Variants in VWA3B observed in about 807,000 individuals in gnomAD.
VWA3B encodes von Willebrand factor A domain-containing protein 3B.
VWA3B carries 138 observed loss-of-function variants against 158.3 expected under a neutral mutation model. That is an observed-to-expected ratio of 0.87 (90% CI 0.76 to 1.00). The LOEUF (loss-of-function observed/expected upper bound fraction) is 1.00, where lower values mean the gene tolerates loss of function less well. Among genes scored for constraint, VWA3B ranks in the 50% least tolerant of loss-of-function variants. The pLI is 0.00. For synonymous variants in VWA3B, 596 were observed against 587.3 expected, an observed-to-expected ratio of 1.01 and a Z score of -0.21; for missense variants, 1,555 against 1,565.1, an observed-to-expected ratio of 0.99 and a Z score of 0.11.
At chr2:98,242,973 A>G (rs1332829119) in intron 19 of VWA3B, among the ~76,000 whole-genome samples, 2 of 152,044 alleles carry the variant, frequency 1.3e-5, no homozygotes, top group East Asian at 3.9e-4. Context: ...AAACCTACAT[A>G]TGTATATATT....
At chr2:98,299,059 T>C (rs941086127) in intron 24 of VWA3B, among the ~76,000 whole-genome samples, 53 of 152,202 alleles carry the variant, frequency 3.5e-4, no homozygotes, top group African/African-American at 1.2e-3. Context: ...AGATGGGGTT[T>C]CTCCTTTTGG....
At chr2:98,253,216 T>A (rs1686909566) in intron 20 of VWA3B, among the ~76,000 whole-genome samples, 2 of 152,162 alleles carry the variant, frequency 1.3e-5, no homozygotes, top group Non-Finnish European at 2.9e-5. Context: ...AATGACACAT[T>A]TACCACCCCC....
chr2:98,137,445 TA>T (rs963786187), intron 7 of VWA3B, among the ~76,000 whole-genome samples: 3 of 152,184 alleles, frequency 2.0e-5, no homozygotes, highest in Admixed American at 6.5e-5. Context: ...CATAATATTT[TA>T]AAAAGTCAAA....
At chr2:98,094,746 A>T (rs150299325) in intron 2 of VWA3B, among the ~76,000 whole-genome samples, 1 of 151,962 alleles carries the variant, frequency 6.6e-6, no homozygotes, top group Non-Finnish European at 1.5e-5. Context: ...GTAGTTTCAT[A>T]TTTTCAGATC....
rs2105882088 is a variant in VWA3B at position 98,269,372 on chromosome 2, C to T, written c.2844-1310C>T. ...TGTAATATCTTGTTCCCCCTGGTGT[C>T]TCTCTGAAGTACTGCAGTATCTCCA... On this transcript the variant is annotated intron_variant, in intron 21 of 27. Coordinates refer to ENST00000477737, the MANE Select transcript of VWA3B (RefSeq NM_144992.5). 2.0e-5 allele frequency: 3 copies of T among 152,270 alleles called. No individual in the cohort carries two copies. In the East Asian group the frequency reaches 5.8e-4, roughly 29 times the overall value. The allele number at this position is 152,270 out of a possible 1,614,324, so 9.4% of individuals were successfully genotyped here. A position where few individuals can be genotyped will look rare whatever the true frequency, so the allele number is the denominator to read the frequency against.
At chr2:98,188,283 G>A (rs886127703) in intron 10 of VWA3B, among the ~76,000 whole-genome samples, 154 bp downstream of exon 10, 3 of 152,098 alleles carry the variant, frequency 2.0e-5, no homozygotes, top group Non-Finnish European at 2.9e-5. Flanking sequence ...TGTATACAAT[G>A]TACAAAGATC....
At chr2:98,281,076 G>C (rs142850925) in intron 22 of VWA3B, among the ~76,000 whole-genome samples, 158 of 152,332 alleles carry the variant, frequency 1.0e-3, no homozygotes, top group African/African-American at 3.8e-3. Context: ...CTGGGCAGGA[G>C]TTTGCCACTC....
At chr2:98,132,287 A>G (rs1473246980) in intron 6 of VWA3B, among the ~76,000 whole-genome samples, 2 of 151,632 alleles carry the variant, frequency 1.3e-5, no homozygotes. Context: ...TGCCTTCTCC[A>G]CTCCCTGCCT....
chr2:98,100,147 A>C (rs150935286), intron 2 of VWA3B, among the ~76,000 whole-genome samples: 1 of 152,316 alleles, frequency 6.6e-6, no homozygotes, highest in African/African-American at 2.4e-5. Flanking sequence ...TTGTGGTTGT[A>C]CATCAATGTC....
intron 1 of VWA3B, among the ~76,000 whole-genome samples, chr2:98,088,388 A>G (rs993411998): frequency 1.3e-5 from 2 of 152,184 alleles, no homozygotes; most frequent in Non-Finnish European, 2.9e-5. Flanking sequence ...TGACTTCACA[A>G]GACTGTCGCC....
At chr2:98,262,530 T>G (rs1248246232) in intron 21 of VWA3B, among the ~76,000 whole-genome samples, 1 of 151,796 alleles carries the variant, frequency 6.6e-6, no homozygotes, top group Non-Finnish European at 1.5e-5. Context: ...AGACTGTCGT[T>G]TTTCCTTTGT....
intron 7 of VWA3B, 76 bp downstream of exon 7, chr2:98,134,015 A>C (rs1032125346): frequency 9.3e-5 from 112 of 1,201,636 alleles, no homozygotes; most frequent in Non-Finnish European, 1.3e-4. Context: ...TAGGAAGTAA[A>C]GTACGAGGGA....
At chr2:98,209,265 ATTTGTTTT>A (rs1683291183) in intron 12 of VWA3B, among the ~76,000 whole-genome samples, 1 of 151,732 alleles carries the variant, frequency 6.6e-6, no homozygotes, top group African/African-American at 2.4e-5. Flanking sequence ...CTTTAACCAA[ATTTGTTTT>A]TTTGTTTGTT....
the VWA3B span, among the ~76,000 whole-genome samples, chr2:98,330,160 G>T: frequency 6.6e-6 from 1 of 152,200 alleles, no homozygotes; most frequent in African/African-American, 2.4e-5. Flanking sequence ...TATTCAAGGT[G>T]CAGGGGATAT....
Position 98,203,014 on chromosome 2 carries a change from G to A in VWA3B, c.1737+8522G>A, listed in dbSNP as rs374857330. On this transcript the variant is annotated intron_variant, in intron 12 of 27. Coordinates refer to ENST00000477737, the MANE Select transcript of VWA3B (RefSeq NM_144992.5). Reference sequence around the variant, plus strand: ...TGCCTGGCTAATTTTTGTGTTTTTAGTAGAGACGGGGTTTCTCCATGTTGG... The same window carrying A: ...TGCCTGGCTAATTTTTGTGTTTTTAATAGAGACGGGGTTTCTCCATGTTGG... 3.0e-4 allele frequency among the ~76,000 whole-genome samples: 46 copies of A among 152,246 alleles called. No individual in the cohort carries two copies. In the East Asian group the frequency reaches 4.8e-3, roughly 16 times the overall value.
chr2:98,172,677 G>A (rs996002053), intron 8 of VWA3B, among the ~76,000 whole-genome samples: 2 of 152,258 alleles, frequency 1.3e-5, no homozygotes, highest in African/African-American at 4.8e-5. Flanking sequence ...ATAGGACTTG[G>A]GGGTGGGGGA....
chr2:98,113,761 T>C (rs1225621264), intron 2 of VWA3B, among the ~76,000 whole-genome samples: 1 of 152,230 alleles, frequency 6.6e-6, no homozygotes, highest in Non-Finnish European at 1.5e-5. Flanking sequence ...GAATTTATAA[T>C]ATGGGGTCTT....
chr2:98,222,319 C>T (rs1424091538), intron 14 of VWA3B, among the ~76,000 whole-genome samples: 1 of 152,222 alleles, frequency 6.6e-6, no homozygotes, highest in African/African-American at 2.4e-5. Context: ...TCACCAGATA[C>T]ATAGTTATGC....
chr2:98,115,280 A>G (rs890979590), intron 2 of VWA3B, among the ~76,000 whole-genome samples: 2 of 152,024 alleles, frequency 1.3e-5, no homozygotes, highest in Non-Finnish European at 2.9e-5. Context: ...AACATCACAC[A>G]CCAGGGCCTG....
Sources: gnomAD v4.1 joint callset for allele counts (sites outside exome capture counted in the v4.1 genomes callset) on GRCh38, gnomAD v4.1.1 for gene constraint, MANE v1.5 for transcripts, NCBI Gene and HGNC (gene_info 2026-07-23, HGNC 2026-07-21) for gene names.